PDE8A: variants seen among roughly 807,000 people sequenced by gnomAD.
The protein encoded by PDE8A is phosphodiesterase 8A.
A neutral mutation model predicts 105.0 loss-of-function variants in PDE8A; 59 were observed. The observed-to-expected ratio is 0.56, with a 90% confidence interval of 0.46 to 0.70. The LOEUF (loss-of-function observed/expected upper bound fraction) is 0.70, where lower values mean the gene tolerates loss of function less well. Ranked by LOEUF, PDE8A falls within the 30% of genes least tolerant of loss-of-function variation. PDE8A has a pLI of 0.00. For synonymous variants in PDE8A, 355 were observed against 371.9 expected (o/e 0.95, Z 0.52); for missense variants, 1,014 against 1,045.9 (o/e 0.97, Z 0.42).
intron 1 of PDE8A, among the ~76,000 whole-genome samples, chr15:85,001,206 T>G (rs2080061748): frequency 6.6e-6 from 1 of 152,192 alleles, no homozygotes. Context: ...CGGTGCAGTT[T>G]CCTTGCCAAT....
chr15:85,113,520 GAAGAAAC>G, intron 13 of PDE8A, 73 bp downstream of exon 13: 1 of 1,282,486 alleles, frequency 7.8e-7, no homozygotes, highest in Non-Finnish European at 1.1e-6. Flanking sequence ...TTTCCAATGA[GAAGAAAC>G]AGGGACCCGC....
intron 20 of PDE8A, among the ~76,000 whole-genome samples, chr15:85,136,133 T>G (rs2082405521): frequency 6.6e-6 from 1 of 152,248 alleles, no homozygotes; most frequent in South Asian, 2.1e-4. Flanking sequence ...CACCCTGACC[T>G]AAGTAATCGC....
At chr15:85,020,091 G>C (rs746331479) in intron 1 of PDE8A, among the ~76,000 whole-genome samples, 29 of 151,926 alleles carry the variant, frequency 1.9e-4, no homozygotes, top group Admixed American at 4.6e-4. Flanking sequence ...CAAAGAAGGA[G>C]GTTTATGGTT....
chr15:85,115,372 C>T (rs2082079569), intron 14 of PDE8A, 67 bp from the exon 15 acceptor site: 3 of 1,050,652 alleles, frequency 2.9e-6, no homozygotes, highest in South Asian at 1.4e-5. Context: ...GGAGGACCAC[C>T]TGGAGTTTCC....
chr15:85,079,940 A>G (rs2081439041), intron 5 of PDE8A, among the ~76,000 whole-genome samples: 1 of 152,144 alleles, frequency 6.6e-6, no homozygotes, highest in Non-Finnish European at 1.5e-5. Flanking sequence ...AATAAAAGCA[A>G]ATGTATATGA....
intron 1 of PDE8A, among the ~76,000 whole-genome samples, chr15:85,057,657 A>G (rs1462811466): frequency 6.6e-6 from 1 of 152,208 alleles, no homozygotes; most frequent in Non-Finnish European, 1.5e-5. Flanking sequence ...CTATTCGGCC[A>G]TCTTGGAACC....
chr15:85,084,144 C>T (rs752250548), intron 6 of PDE8A, among the ~76,000 whole-genome samples: 8 of 151,578 alleles, frequency 5.3e-5, no homozygotes, highest in Non-Finnish European at 8.8e-5. Flanking sequence ...ATCAGCTTGA[C>T]AAAAGAAAAA....
At chr15:85,117,127 T>A (rs1310423426) in intron 16 of PDE8A, among the ~76,000 whole-genome samples, 1 of 152,186 alleles carries the variant, frequency 6.6e-6, no homozygotes, top group Non-Finnish European at 1.5e-5. Context: ...CTCATACTTT[T>A]AACGCCCACC....
At chr15:85,054,060 C>A (rs935351077) in intron 1 of PDE8A, among the ~76,000 whole-genome samples, 2 of 152,208 alleles carry the variant, frequency 1.3e-5, no homozygotes, top group African/African-American at 4.8e-5. Flanking sequence ...GCCTTTTCTG[C>A]ATCTATTGAG....
Position 85,012,635 on chromosome 15 carries a change from A to G in PDE8A, c.186+30287A>G, listed in dbSNP as rs554208451. ...AATGGGTGCAGCACACCAGCATGGC[A>G]CATGTATACATATGTAACTAACCTG... is the stretch of plus-strand genomic sequence containing the variant. On this transcript the variant is annotated intron_variant, in intron 1 of 21. Transcript: ENST00000394553. Among the ~76,000 whole-genome samples the G allele has an allele frequency of 5.6e-3, 851 of 151,866 alleles. 20 individuals are homozygous for G. The highest frequency in any genetic ancestry group is 0.015 in the Admixed American group (232 of 15,250).
At position 85,032,325 on chromosome 15, in the gene PDE8A, T is replaced by C. The variant is rs187688532; in HGVS notation, c.187-32045T>C. Among the ~76,000 whole-genome samples, 454 of 152,320 alleles carry C rather than the reference T, an allele frequency of 3.0e-3. 2 individuals are homozygous for C. Among genetic ancestry groups the C allele is most frequent in the African/African-American group, 0.01 (425 of 41,576 alleles). On this transcript the variant is annotated intron_variant, in intron 1 of 21. Coordinates refer to ENST00000394553, the MANE Select transcript of PDE8A (RefSeq NM_002605.3). ...ATAACCTGTAGATATTGTCCATCCA[T>C]GGTATAAGAGTTGGATAGTTTTGTT... is the stretch of plus-strand genomic sequence containing the variant.
At chr15:85,069,550 TC>T (rs1457797476) in intron 3 of PDE8A, among the ~76,000 whole-genome samples, 2 of 152,126 alleles carry the variant, frequency 1.3e-5, no homozygotes, top group Non-Finnish European at 2.9e-5. Context: ...TATGAGTGGC[TC>T]CTAACAGATC....
At chr15:85,034,371 C>T (rs2080667866) in intron 1 of PDE8A, among the ~76,000 whole-genome samples, 1 of 151,962 alleles carries the variant, frequency 6.6e-6, no homozygotes, top group Non-Finnish European at 1.5e-5. Flanking sequence ...AAAACTACAG[C>T]AAAGTAGATG....
chr15:85,069,751 G>A (rs987797196), intron 3 of PDE8A, among the ~76,000 whole-genome samples: 7 of 152,098 alleles, frequency 4.6e-5, no homozygotes, highest in African/African-American at 7.2e-5. Flanking sequence ...TGTAATCCCC[G>A]ATCACATTTA....
upstream of PDE8A, chr15:84,980,536 G>C (rs1205334234): frequency 6.6e-6 from 1 of 152,430 alleles, no homozygotes; most frequent in East Asian, 1.9e-4. Flanking sequence ...GAAGGAGCCG[G>C]CTGCACCGCG....
At chr15:84,994,211 C>T (rs1295342660) in intron 1 of PDE8A, among the ~76,000 whole-genome samples, 2 of 152,218 alleles carry the variant, frequency 1.3e-5, no homozygotes, top group Non-Finnish European at 2.9e-5. Flanking sequence ...CTATGGTTTG[C>T]TCTTTTTTCT....
chr15:85,050,611 A>G (rs951792938), intron 1 of PDE8A, among the ~76,000 whole-genome samples: 3 of 152,174 alleles, frequency 2.0e-5, no homozygotes, highest in South Asian at 4.1e-4. Flanking sequence ...CTTGTTAAAA[A>G]TTATTTGACC....
At chr15:85,013,945 C>T (rs988425674) in intron 1 of PDE8A, among the ~76,000 whole-genome samples, 5 of 152,274 alleles carry the variant, frequency 3.3e-5, no homozygotes, top group Admixed American at 3.3e-4. Flanking sequence ...CAGGTACCCG[C>T]TGGCTTCCCG....
chr15:84,990,850 A>G lies in PDE8A; in HGVS notation c.186+8502A>G, dbSNP rs533288904. 2.0e-5 allele frequency among the ~76,000 whole-genome samples: 3 copies of G among 152,220 alleles called. No homozygotes were observed. In the South Asian group the frequency reaches 6.2e-4, roughly 32 times the overall value. Reference sequence around the variant, plus strand: ...ATCCAATATTACACTCATGCCAACAATGTATAATAAAAGTTCAGTTGCTCT... The same window carrying G: ...ATCCAATATTACACTCATGCCAACAGTGTATAATAAAAGTTCAGTTGCTCT... On this transcript the variant is annotated intron_variant, in intron 1 of 21. Transcript: ENST00000394553.
Sources: gnomAD v4.1 joint callset for allele counts (sites outside exome capture counted in the v4.1 genomes callset) on GRCh38, gnomAD v4.1.1 for gene constraint, MANE v1.5 for transcripts, NCBI Gene and HGNC (gene_info 2026-07-23, HGNC 2026-07-21) for gene names.